VPS13B: variants seen among roughly 807,000 people sequenced by gnomAD.
VPS13B encodes vacuolar protein sorting 13 homolog B.
In VPS13B, 285 loss-of-function variants were observed where a neutral mutation model predicts 426.4. The observed-to-expected ratio is 0.67, with a 90% confidence interval of 0.61 to 0.74. VPS13B has a LOEUF of 0.74. Among genes scored for constraint, VPS13B ranks in the 30% least tolerant of loss-of-function variants. The pLI, the probability that VPS13B is intolerant of heterozygous loss-of-function variation, is 0.00. For missense variants in VPS13B, 4,537 were observed against 4,782.6 expected (o/e 0.95, Z 1.51); for synonymous variants, 1,676 against 1,676.4 (o/e 1.00, Z 0.01).
At chr8:99,583,917 G>A (rs981833742) in intron 33 of VPS13B, among the ~76,000 whole-genome samples, 6 of 152,082 alleles carry the variant, frequency 3.9e-5, no homozygotes, top group African/African-American at 1.4e-4. Flanking sequence ...CCAGATCAGA[G>A]GCTACATATT....
intron 16 of VPS13B, among the ~76,000 whole-genome samples, chr8:99,188,991 C>G (rs1813388519): frequency 6.6e-6 from 1 of 152,198 alleles, no homozygotes; most frequent in South Asian, 2.1e-4. Flanking sequence ...GCTCCGCCTC[C>G]CGGGTTCACA....
chr8:99,711,773 A>G (rs564102071), intron 36 of VPS13B, among the ~76,000 whole-genome samples: 2 of 152,338 alleles, frequency 1.3e-5, no homozygotes, highest in South Asian at 2.1e-4. Context: ...TACATTGCCA[A>G]GAGAAAATCT....
chr8:99,640,049 G>GAAGAAGAGAAAAGAAGAGAAA (rs1299280170), intron 33 of VPS13B, among the ~76,000 whole-genome samples: 38 of 99,708 alleles, frequency 3.8e-4, no homozygotes, highest in Non-Finnish European at 6.7e-4. Context: ...AGAAGAAGAA[G>GAAGAAGAGAAAAGAAGAGAAA]AGAAAAGAAA....
Position 99,115,766 on chromosome 8 carries a change from A to G in VPS13B, c.829A>G (p.Ile277Val), listed in dbSNP as rs980155891. Residue 277 changes from isoleucine to valine, a missense_variant, in exon 7 of 62, where the codon ATA becomes GTA. Transcript: ENST00000357162. ...TDQQLPMFIR[I>V]MQLGIALYYG... ...TCAACAACTGCCTATGTTTATTCGTATAATGCAACTTGGAATTGCTCTTTA... is the reference window on the plus strand; with the variant it reads ...TCAACAACTGCCTATGTTTATTCGTGTAATGCAACTTGGAATTGCTCTTTA... The G allele has an allele frequency of 1.9e-6, 3 of 1,613,720 alleles. No homozygotes were observed. The highest frequency in any genetic ancestry group is 2.5e-6 in the Non-Finnish European group (3 of 1,179,834).
intron 2 of VPS13B, among the ~76,000 whole-genome samples, chr8:99,029,802 A>G (rs1587936356): frequency 1.1e-5 from 1 of 89,884 alleles, no homozygotes; most frequent in Admixed American, 1.7e-4. Context: ...GGAGAGGGAG[A>G]GGGAGACGGA....
intron 23 of VPS13B, among the ~76,000 whole-genome samples, chr8:99,449,093 G>T (rs1301167776): frequency 6.6e-6 from 1 of 152,138 alleles, no homozygotes; most frequent in Non-Finnish European, 1.5e-5. Flanking sequence ...AGCCATTATA[G>T]CTTAGAAGAA....
intron 31 of VPS13B, among the ~76,000 whole-genome samples, chr8:99,574,062 A>G (rs1484456539): frequency 7.9e-5 from 12 of 152,078 alleles, no homozygotes; most frequent in Non-Finnish European, 1.8e-4. Context: ...CTTTGAAGCA[A>G]TTGTGAATGG....
chr8:99,381,288 C>T (rs900214782), intron 19 of VPS13B, among the ~76,000 whole-genome samples: 5 of 152,146 alleles, frequency 3.3e-5, no homozygotes, highest in African/African-American at 7.2e-5. Flanking sequence ...AACACATTTC[C>T]ATTATCCAGT....
intron 19 of VPS13B, among the ~76,000 whole-genome samples, chr8:99,277,333 T>C (rs533455890): frequency 6.6e-6 from 1 of 152,274 alleles, no homozygotes; most frequent in African/African-American, 2.4e-5. Flanking sequence ...TATTTTTAAA[T>C]TTAAATTTTT....
chr8:99,509,415 T>G (rs1821668257), intron 28 of VPS13B, among the ~76,000 whole-genome samples: 1 of 152,164 alleles, frequency 6.6e-6, no homozygotes, highest in Non-Finnish European at 1.5e-5. Context: ...AGGGTTTTTT[T>G]AATGGTCAAT....
chr8:99,045,106 T>G (rs1011399719), intron 3 of VPS13B, among the ~76,000 whole-genome samples: 1 of 152,184 alleles, frequency 6.6e-6, no homozygotes, highest in African/African-American at 2.4e-5. Flanking sequence ...GTAGTTCTGT[T>G]TAGTTCTTTA....
chr8:99,775,162 T>A (rs2130660158), intron 40 of VPS13B, among the ~76,000 whole-genome samples: 1 of 152,296 alleles, frequency 6.6e-6, no homozygotes, highest in East Asian at 1.9e-4. Flanking sequence ...TTCCTATTCC[T>A]GGGGGGTCGT....
At chr8:99,611,916 A>G (rs914483779) in intron 33 of VPS13B, among the ~76,000 whole-genome samples, 4 of 152,118 alleles carry the variant, frequency 2.6e-5, no homozygotes, top group Non-Finnish European at 4.4e-5. Context: ...AAAGATGAAA[A>G]TGATGACATT....
intron 42 of VPS13B, among the ~76,000 whole-genome samples, chr8:99,783,583 G>T (rs1307581183): frequency 6.6e-6 from 1 of 152,132 alleles, no homozygotes; most frequent in African/African-American, 2.4e-5. Context: ...ATCAACAAAG[G>T]AACGTATTAT....
intron 2 of VPS13B, among the ~76,000 whole-genome samples, chr8:99,021,784 T>C (rs577979839): frequency 3.3e-5 from 5 of 152,296 alleles, no homozygotes; most frequent in African/African-American, 1.2e-4. Context: ...GAATAATTTT[T>C]ATACTTTTTG....
Position 99,613,213 on chromosome 8 carries a change from G to T in VPS13B, c.5221-28598G>T, listed in dbSNP as rs1390395916. 2.6e-5 allele frequency among the ~76,000 whole-genome samples: 4 copies of T among 152,122 alleles called. No homozygotes were observed. The East Asian group carries it at 7.7e-4, about 29-fold the overall frequency. ...GTTGTTATACCTTTTAGGTCTTTCTGGAGGGTAGACAGCCTGTTTTACATT... is the reference window on the plus strand; with the variant it reads ...GTTGTTATACCTTTTAGGTCTTTCTTGAGGGTAGACAGCCTGTTTTACATT... On this transcript the variant is annotated intron_variant, in intron 33 of 61. Transcript: ENST00000357162.
intron 17 of VPS13B, among the ~76,000 whole-genome samples, chr8:99,242,376 A>T (rs1350056943): frequency 6.6e-6 from 1 of 152,202 alleles, no homozygotes; most frequent in Non-Finnish European, 1.5e-5. Flanking sequence ...TATATGTATA[A>T]ATTAAGAATT....
chr8:99,426,241 C>A (rs1196588574), intron 21 of VPS13B, among the ~76,000 whole-genome samples: 1 of 133,390 alleles, frequency 7.5e-6, no homozygotes, highest in Non-Finnish European at 1.6e-5. Context: ...AGGACATGAA[C>A]TCATCATTTT....
At chr8:99,062,649 G>A (rs1159890476) in intron 3 of VPS13B, among the ~76,000 whole-genome samples, 1 of 151,940 alleles carries the variant, frequency 6.6e-6, no homozygotes, top group Non-Finnish European at 1.5e-5. Flanking sequence ...TGTATTTTTA[G>A]TAGAGATGGG....
Sources: allele counts gnomAD v4.1 joint callset (sites outside exome capture counted in the v4.1 genomes callset), GRCh38; gene constraint gnomAD v4.1.1; transcripts MANE v1.5; gene names NCBI Gene and HGNC (gene_info 2026-07-23, HGNC 2026-07-21).